The following POLR1A variants were observed in gnomAD, a reference collection of about 807,000 sequenced individuals.
POLR1A encodes DNA-directed RNA polymerase I subunit RPA1.
Under a neutral mutation model 205.3 loss-of-function variants are expected in POLR1A, and 84 were observed. The observed-to-expected ratio is 0.41, with a 90% CI of 0.34 to 0.49. POLR1A has a LOEUF of 0.49. Among genes scored for constraint, POLR1A ranks in the 20% least tolerant of loss-of-function variants. POLR1A has a pLI of 0.22. For synonymous variants in POLR1A, 799 were observed against 863.7 expected, an observed-to-expected ratio of 0.93 and a Z score of 1.31; for missense variants, 1,645 against 2,204.5, an observed-to-expected ratio of 0.75 and a Z score of 5.08.
At chr2:86,032,448 TC>T in intron 28 of POLR1A, 66 bp from the exon 29 acceptor site, 1 of 1,135,154 alleles carries the variant, frequency 8.8e-7, no homozygotes, top group Non-Finnish European at 1.3e-6. Flanking sequence ...AATCCATCCA[TC>T]CACCCACCAA....
rs1201472811 is a variant in POLR1A at position 86,049,049 on chromosome 2, T to C, written c.2476-7A>G. On this transcript the variant is annotated splice_region_variant and splice_polypyrimidine_tract_variant and intron_variant, in intron 17 of 33. Coordinates refer to ENST00000263857, the MANE Select transcript of POLR1A (RefSeq NM_015425.6). ...TTAATGCAGCCCTGACAGCCTAGAATGAGAACAGAAACACAGCGGAGGCTG... is the reference window on the plus strand; with the variant it reads ...TTAATGCAGCCCTGACAGCCTAGAACGAGAACAGAAACACAGCGGAGGCTG... 6.2e-7 allele frequency: 1 copy of C among 1,614,210 alleles called. No homozygotes were observed. The highest frequency in any genetic ancestry group is 2.2e-5 in the East Asian group (1 of 44,886).
At position 86,020,866 on chromosome 2, in the gene POLR1A, C is replaced by A. The variant is rs1170313589; in HGVS notation, c.*6557G>T. 6.6e-6 allele frequency: 1 copy of A among 152,222 alleles called. No individual in the cohort carries two copies. Among genetic ancestry groups the A allele is most frequent in the Non-Finnish European group, 1.5e-5 (1 of 68,042 alleles). The allele number at this position is 152,222 out of a possible 1,614,324, so 9.4% of individuals were successfully genotyped here. ...GGGCAAATTGCCCCAAGTTGAGAAC[C>A]ACTTAGTGTATAGGTAAACATGTAT... On this transcript the variant is annotated 3_prime_UTR_variant, in exon 34 of 34. Transcript: ENST00000263857.
At chr2:86,053,669 G>A (rs900176373) in intron 15 of POLR1A, among the ~76,000 whole-genome samples, 5 of 152,186 alleles carry the variant, frequency 3.3e-5, no homozygotes, top group Non-Finnish European at 5.9e-5. Flanking sequence ...GTGATAACGC[G>A]TTGTGCACTG....
intron 23 of POLR1A, among the ~76,000 whole-genome samples, chr2:86,042,732 C>A (rs1256150280): frequency 1.3e-5 from 2 of 152,054 alleles, no homozygotes; most frequent in Non-Finnish European, 2.9e-5. Flanking sequence ...CATTCCTTCA[C>A]ACCTGGGATC....
At chr2:86,047,621 T>A (rs1672732647) in intron 18 of POLR1A, among the ~76,000 whole-genome samples, 1 of 152,212 alleles carries the variant, frequency 6.6e-6, no homozygotes, top group Non-Finnish European at 1.5e-5. Context: ...AAATTTAAGG[T>A]GATGCCCTTG....
chr2:86,073,123 C>T (rs1673209147), intron 12 of POLR1A, among the ~76,000 whole-genome samples: 1 of 151,432 alleles, frequency 6.6e-6, no homozygotes, highest in South Asian at 2.1e-4. Context: ...CACCTGAGCC[C>T]AGGAGGTGGA....
In POLR1A at chr2:86,105,782, A is replaced by C. The variant is rs748915549; in HGVS notation, c.-6T>G. 1 of 1,613,452 alleles carries C rather than the reference A, an allele frequency of 6.2e-7. No individual in the cohort carries two copies. Among genetic ancestry groups the C allele is most frequent in the Admixed American group, 1.7e-5 (1 of 60,020 alleles). On this transcript the variant is annotated 5_prime_UTR_variant, in exon 1 of 34. Transcript: ENST00000263857. ...ATGTTCTTGGAGATCAACATCCTCC[A>C]GGTCCGTTTTGAATTCCGACACCCC...
At chr2:86,080,625 C>T (rs1673382368) in intron 9 of POLR1A, among the ~76,000 whole-genome samples, 191 bp downstream of exon 9, 1 of 152,158 alleles carries the variant, frequency 6.6e-6, no homozygotes, top group East Asian at 1.9e-4. Context: ...CACACCTTTC[C>T]ATGCTCAGAC....
chr2:86,089,587 AATC>A (rs1435695016), intron 4 of POLR1A, among the ~76,000 whole-genome samples: 1 of 152,216 alleles, frequency 6.6e-6, no homozygotes, highest in Non-Finnish European at 1.5e-5. Context: ...GCTATACCGA[AATC>A]ATATGTCACA....
intron 6 of POLR1A, among the ~76,000 whole-genome samples, chr2:86,083,902 T>C (rs1673448308): frequency 6.6e-6 from 1 of 152,186 alleles, no homozygotes; most frequent in African/African-American, 2.4e-5. Flanking sequence ...CTACCAGCAA[T>C]ACCCAGGTTA....
chr2:86,089,982 A>C (rs1455938751), intron 3 of POLR1A, 53 bp from the exon 4 acceptor site: 5 of 959,402 alleles, frequency 5.2e-6, no homozygotes, highest in Non-Finnish European at 8.5e-6. Context: ...ACCTCTGATG[A>C]GCAGCACAAC....
chr2:86,078,258 G>C lies in POLR1A; in HGVS notation c.1113C>G (p.Asp371Glu). Residue 371 changes from aspartate (D) to glutamate (E), a missense_variant, in exon 10 of 34, where the codon GAC becomes GAG. Asp to Glu is a conservative substitution (Grantham distance 45). This residue lies in a region of POLR1A where 78 missense variants were observed against 77.7 expected (regional missense o/e 1.00). Transcript: ENST00000263857. ...CTGGAAGTGTACTCAAAAAGGATCGGTCAATAGCAATCAAAGAGTCTTTTT... is the reference window on the plus strand; with the variant it reads ...CTGGAAGTGTACTCAAAAAGGATCGCTCAATAGCAATCAAAGAGTCTTTTT... Reference protein sequence around the residue: ...DEEKDSLIAIDRSFLSTLPGQ... With the variant: ...DEEKDSLIAIERSFLSTLPGQ... 1 of 1,580,364 alleles carries C rather than the reference G, an allele frequency of 6.3e-7. No homozygotes were observed. Among genetic ancestry groups the C allele is most frequent in the Non-Finnish European group, 8.6e-7 (1 of 1,168,786 alleles).
rs190982441 is a variant in POLR1A at position 86,040,258 on chromosome 2, A to G, written c.3740+134T>C. The G allele has an allele frequency of 4.1e-4, 293 of 708,162 alleles. No individual in the cohort carries two copies. In the African/African-American group the frequency reaches 4.8e-3, roughly 12 times the overall value. 43.9% of individuals were successfully genotyped at this position (708,162 alleles called of 1,614,324 possible). A position where few individuals can be genotyped will look rare whatever the true frequency, so the allele number is the denominator to read the frequency against. On this transcript the variant is annotated intron_variant, in intron 25 of 33. Transcript: ENST00000263857. ...AATTCTAACCCTGATCCCCACTTTAATGAGACCCTGTCCCTCTCTCACACA... is the reference window on the plus strand; with the variant it reads ...AATTCTAACCCTGATCCCCACTTTAGTGAGACCCTGTCCCTCTCTCACACA...
chr2:86,092,646 G>A (rs1293961505), intron 3 of POLR1A, among the ~76,000 whole-genome samples: 3 of 152,172 alleles, frequency 2.0e-5, no homozygotes, highest in Admixed American at 6.5e-5. Context: ...CCAACATGGT[G>A]AAACCCTGTC....
rs772025267 is a variant in POLR1A, at chr2:86,049,273, G to A, written c.2393-31C>T. On this transcript the variant is annotated intron_variant, in intron 16 of 33. Coordinates refer to ENST00000263857, the MANE Select transcript of POLR1A (RefSeq NM_015425.6). ...AAGTGAAACAGACAAGCTTGTAGGC[G>A]ACCTCAGGCCTGATTTCTCCCACCA... 17 of 1,537,202 alleles carry A rather than the reference G, an allele frequency of 1.1e-5. No individual in the cohort carries two copies. In the Admixed American group the frequency reaches 1.2e-4, roughly 11 times the overall value.
chr2:86,104,550 C>G lies in POLR1A; in HGVS notation c.77+1150G>C, dbSNP rs188502477. Among the ~76,000 whole-genome samples the G allele has an allele frequency of 7.7e-4, 117 of 150,978 alleles. 3 individuals carry two copies. The East Asian group carries it at 0.019, about 24-fold the overall frequency. ...GCAACCTCCGCCTCCTGGGTTCAAG[C>G]GATTCTCCTGCCTCAGCCTCCCGAG... On this transcript the variant is annotated intron_variant, in intron 1 of 33. Coordinates refer to ENST00000263857, the MANE Select transcript of POLR1A (RefSeq NM_015425.6).
rs1482001383 is a variant in POLR1A, at chr2:86,026,439, G to C, written c.*984C>G. The C allele has an allele frequency of 6.6e-6, 1 of 152,208 alleles. No individual in the cohort carries two copies. Among genetic ancestry groups the C allele is most frequent in the Non-Finnish European group, 1.5e-5 (1 of 68,040 alleles). 9.4% of individuals were successfully genotyped at this position (152,208 alleles called of 1,614,324 possible). A position where few individuals can be genotyped will look rare whatever the true frequency, so the allele number is the denominator to read the frequency against. On this transcript the variant is annotated 3_prime_UTR_variant, in exon 34 of 34. Transcript: ENST00000263857. ...AGACAAAGATAGAAGCTAGCCTCTG[G>C]TTTTACAAAGCCTTTGTATAAGTCC...
chr2:86,040,703 TA>T (rs1672584704), intron 24 of POLR1A, 144 bp from the exon 25 acceptor site: 2 of 606,190 alleles, frequency 3.3e-6, no homozygotes, highest in Non-Finnish European at 5.5e-6. Flanking sequence ...AAGATCCCTC[TA>T]ATCTTCAAAT....
intron 4 of POLR1A, among the ~76,000 whole-genome samples, chr2:86,089,393 T>A (rs1487976697): frequency 6.6e-6 from 1 of 152,194 alleles, no homozygotes; most frequent in Non-Finnish European, 1.5e-5. Flanking sequence ...AACCAAGGCA[T>A]GAAGTGAAGC....
Sources: allele counts gnomAD v4.1 joint callset (sites outside exome capture counted in the v4.1 genomes callset), GRCh38; gene constraint gnomAD v4.1.1; regional missense constraint gnomAD v4.1.1; transcripts MANE v1.5; gene names NCBI Gene and HGNC (gene_info 2026-07-23, HGNC 2026-07-21).